Variants in AFF2 observed in about 807,000 individuals in gnomAD.
AFF2 encodes the protein ALF transcription elongation factor 2, also known as AF4/FMR2 family member 2.
In AFF2, 14 loss-of-function variants were observed where a neutral mutation model predicts 76.9. The observed-to-expected ratio is 0.18, with a 90% CI of 0.12 to 0.28. The LOEUF is 0.28. AFF2 is among the 10% of genes least tolerant of loss of function. The probability of loss-of-function intolerance (pLI) is 1.00; values close to 1 mark genes in which losing one functional copy is unlikely to be tolerated. For synonymous variants in AFF2, 398 were observed against 366.7 expected (o/e 1.09, Z -0.98); for missense variants, 868 against 1,001.1 (o/e 0.87, Z 1.79).
chrX:148,694,838 T>C (rs1237330460), intron 3 of AFF2, among the ~76,000 whole-genome samples: 3 of 86,304 alleles, frequency 3.5e-5, no homozygotes, highest in African/African-American at 4.5e-5. Context: ...TTTTTTGAGA[T>C]GGAGTCTCGC....
At chrX:148,710,221 T>TA (rs2054949864) in intron 3 of AFF2, among the ~76,000 whole-genome samples, 1 of 111,829 alleles carries the variant, frequency 8.9e-6, no homozygotes, top group South Asian at 3.7e-4. Flanking sequence ...TGACTTGGAT[T>TA]AAAAAATGGC....
rs1020506338 is a variant in AFF2, at chrX:148,737,084, C to T, written c.1042-72792C>T. Among the ~76,000 whole-genome samples, 26 of 111,384 alleles carry T rather than the reference C, an allele frequency of 2.3e-4. 1 individual carries two copies. Among genetic ancestry groups the T allele is most frequent in the Admixed American group, 2.3e-3 (24 of 10,463 alleles). On this transcript the variant is annotated intron_variant, in intron 3 of 20. Coordinates refer to ENST00000370460, the MANE Select transcript of AFF2 (RefSeq NM_002025.4). The stretch of plus-strand genomic sequence containing the variant: ...GATTTGTTCTTTTTGCTTAGTCTTG[C>T]GTTGGCTGTGCAGGCTCCTTTTTGG...
chrX:148,962,874 A>G lies in AFF2; in HGVS notation c.2850A>G (p.Thr950=). ...DKNIAMTGQI[T]STKPKRTEGK... ...ACATCGCCATGACTGGACAAATCAC[A>G]TCTACCAAACCTAAGAGAACTGAAG... The change falls in exon 13 of 21, where the codon ACA becomes ACG. Residue 950 remains threonine, a synonymous_variant. Transcript: ENST00000370460. The G allele has an allele frequency of 1.7e-6, 2 of 1,210,614 alleles. No homozygotes were observed. The highest frequency in any genetic ancestry group is 2.2e-6 in the Non-Finnish European group (2 of 894,348).
At chrX:148,913,757 T>C (rs1216434208) in intron 9 of AFF2, among the ~76,000 whole-genome samples, 2 of 112,362 alleles carry the variant, frequency 1.8e-5, no homozygotes, top group Admixed American at 1.9e-4. Flanking sequence ...GTTTGCTGTT[T>C]AGACAAGAAT....
intron 1 of AFF2, among the ~76,000 whole-genome samples, chrX:148,636,249 AT>A (rs1233136493): frequency 9.0e-6 from 1 of 111,641 alleles, no homozygotes; most frequent in Non-Finnish European, 1.9e-5. Context: ...CCTCTAGCCA[AT>A]CAGTGCTCTA....
At chrX:148,555,166 T>A (rs1361715173) in intron 1 of AFF2, among the ~76,000 whole-genome samples, 20 of 112,068 alleles carry the variant, frequency 1.8e-4, no homozygotes, top group Admixed American at 1.5e-3. Flanking sequence ...TCCAGTCTCC[T>A]GGCCCCTGAC....
chrX:148,772,542 C>CTT (rs56276357), intron 3 of AFF2, among the ~76,000 whole-genome samples: 4 of 67,694 alleles, frequency 5.9e-5, no homozygotes, highest in Admixed American at 1.8e-4. Context: ...TTCTTTCTTT[C>CTT]TTTTTTTTTT....
chrX:148,869,249 A>G (rs1469312083), intron 7 of AFF2, among the ~76,000 whole-genome samples: 1 of 111,666 alleles, frequency 9.0e-6, no homozygotes, highest in Non-Finnish European at 1.9e-5. Flanking sequence ...ATGATAGCTA[A>G]AAGTTACAGG....
intron 8 of AFF2, among the ~76,000 whole-genome samples, chrX:148,887,836 G>A (rs1427355345): frequency 9.0e-6 from 1 of 111,655 alleles, no homozygotes. Flanking sequence ...TAGGCACAAG[G>A]TTATAAACAT....
intron 1 of AFF2, among the ~76,000 whole-genome samples, chrX:148,623,565 A>G (rs1478080274): frequency 9.4e-6 from 1 of 105,838 alleles, no homozygotes; most frequent in African/African-American, 3.5e-5. Flanking sequence ...CACTTCCATT[A>G]TATAGTTCAT....
chrX:148,828,957 G>C (rs1017940512), intron 4 of AFF2, among the ~76,000 whole-genome samples: 2 of 111,653 alleles, frequency 1.8e-5, no homozygotes, highest in Non-Finnish European at 3.8e-5. Flanking sequence ...TTTTTCAATG[G>C]AACCCTGGTT....
chrX:148,559,535 T>C (rs1557240169), intron 1 of AFF2, among the ~76,000 whole-genome samples: 2 of 111,729 alleles, frequency 1.8e-5, no homozygotes, highest in African/African-American at 3.3e-5. Flanking sequence ...TTTGGTTTTC[T>C]GTTCCTGTGT....
intron 18 of AFF2, among the ~76,000 whole-genome samples, chrX:148,979,799 G>T (rs1032065460): frequency 1.8e-5 from 2 of 112,517 alleles, no homozygotes; most frequent in African/African-American, 6.5e-5. Flanking sequence ...TGCACCTTAG[G>T]TGTGGGTCTA....
chrX:148,893,588 T>G (rs1375662135), intron 8 of AFF2, among the ~76,000 whole-genome samples: 1 of 112,458 alleles, frequency 8.9e-6, no homozygotes, highest in Non-Finnish European at 1.9e-5. Context: ...CCAATAGCTC[T>G]TTTGCTTAGC....
intron 9 of AFF2, among the ~76,000 whole-genome samples, chrX:148,913,814 T>C (rs1603339401): frequency 8.9e-6 from 1 of 112,277 alleles, no homozygotes; most frequent in South Asian, 3.7e-4. Context: ...CAGTTTTGGG[T>C]ACATAAGAGT....
chrX:148,988,924 G>A (rs782325330), intron 20 of AFF2, among the ~76,000 whole-genome samples: 6 of 112,299 alleles, frequency 5.3e-5, no homozygotes, highest in Non-Finnish European at 1.1e-4. Flanking sequence ...TGTTATCACA[G>A]CTCTTGCTTG....
rs144057754 is a variant in AFF2, at chrX:148,794,019, C to T, written c.1042-15857C>T. Reference sequence around the variant, plus strand: ...CATGTATTACCTGTCCTTCCCCTCCCTGTCTTCCAACAGATTTAGTAGATC... The same window carrying T: ...CATGTATTACCTGTCCTTCCCCTCCTTGTCTTCCAACAGATTTAGTAGATC... On this transcript the variant is annotated intron_variant, in intron 3 of 20. Transcript: ENST00000370460. Among the ~76,000 whole-genome samples the T allele has an allele frequency of 5.3e-5, 6 of 112,351 alleles. No individual in the cohort carries two copies. In the East Asian group the frequency reaches 1.7e-3, roughly 31 times the overall value.
At chrX:148,859,824 TA>T (rs782744405) in intron 7 of AFF2, among the ~76,000 whole-genome samples, 7 of 111,536 alleles carry the variant, frequency 6.3e-5, no homozygotes, top group South Asian at 3.7e-4. Context: ...TTAATTGATT[TA>T]TTTTTTTATT....
chrX:148,833,225 C>T (rs2070477111), intron 4 of AFF2, among the ~76,000 whole-genome samples: 1 of 111,735 alleles, frequency 8.9e-6, no homozygotes, highest in Non-Finnish European at 1.9e-5. Flanking sequence ...ATTCTCTGCA[C>T]CTTTGCTCAT....
Sources: allele counts gnomAD v4.1 joint callset (sites outside exome capture counted in the v4.1 genomes callset), GRCh38; gene constraint gnomAD v4.1.1; transcripts MANE v1.5; gene names NCBI Gene and HGNC (gene_info 2026-07-23, HGNC 2026-07-21).